The following CTNNA3 variants were observed in gnomAD, a reference collection of about 807,000 sequenced individuals.
CTNNA3 encodes the protein catenin alpha-3.
In CTNNA3, 76 loss-of-function variants were observed where a neutral mutation model predicts 95.7. That is an observed-to-expected ratio of 0.79 (90% confidence interval 0.66 to 0.96). The LOEUF (loss-of-function observed/expected upper bound fraction) is 0.96, where lower values mean the gene tolerates loss of function less well. Among genes scored for constraint, CTNNA3 ranks in the 40% least tolerant of loss-of-function variants. The pLI is 0.00. For synonymous variants in CTNNA3, 431 were observed against 374.4 expected (o/e 1.15, Z -1.74); for missense variants, 1,191 against 1,089.8 (o/e 1.09, Z -1.31).
chr10:67,163,461 A>G (rs936353045), intron 7 of CTNNA3, among the ~76,000 whole-genome samples: 3 of 152,012 alleles, frequency 2.0e-5, no homozygotes, highest in African/African-American at 7.2e-5. Context: ...ACAGAGAAGA[A>G]CTTCTATATC....
chr10:67,304,120 T>A (rs576693714), intron 5 of CTNNA3, among the ~76,000 whole-genome samples: 2 of 152,330 alleles, frequency 1.3e-5, no homozygotes, highest in African/African-American at 4.8e-5. Context: ...ACATATATAA[T>A]GTGGAGTTGG....
chr10:66,411,308 A>G (rs1047337197), intron 11 of CTNNA3, among the ~76,000 whole-genome samples: 1 of 152,140 alleles, frequency 6.6e-6, no homozygotes, highest in Admixed American at 6.5e-5. Context: ...AGTTATCTAA[A>G]TGCTTACTGT....
chr10:66,258,121 C>T (rs1414736784), intron 13 of CTNNA3, among the ~76,000 whole-genome samples: 2 of 152,206 alleles, frequency 1.3e-5, no homozygotes, highest in Non-Finnish European at 2.9e-5. Context: ...GTCTACCCTG[C>T]AGCTTCTCCA....
At chr10:66,504,382 C>T (rs1160163058) in intron 11 of CTNNA3, among the ~76,000 whole-genome samples, 1 of 152,114 alleles carries the variant, frequency 6.6e-6, no homozygotes, top group East Asian at 1.9e-4. Context: ...TTAAAATTCC[C>T]CAGGATGCTT....
intron 1 of CTNNA3, among the ~76,000 whole-genome samples, chr10:67,714,144 T>A (rs1340664431): frequency 1.3e-5 from 2 of 152,104 alleles, no homozygotes; most frequent in African/African-American, 4.8e-5. Context: ...GGACACCATG[T>A]AGTGAAGCTG....
intron 13 of CTNNA3, among the ~76,000 whole-genome samples, chr10:66,169,686 TA>T (rs1256506929): frequency 1.3e-5 from 2 of 152,148 alleles, no homozygotes; most frequent in South Asian, 2.1e-4. Flanking sequence ...CAAAATCTAT[TA>T]TTTGTTTATT....
Position 66,844,037 on chromosome 10 carries a change from C to T in CTNNA3, c.1048-68513G>A, listed in dbSNP as rs1040189900. Among the ~76,000 whole-genome samples, 5 of 152,300 alleles carry T rather than the reference C, an allele frequency of 3.3e-5. No individual in the cohort carries two copies. The East Asian group carries it at 9.6e-4, about 29-fold the overall frequency. On this transcript the variant is annotated intron_variant, in intron 7 of 17. Coordinates refer to ENST00000433211, the MANE Select transcript of CTNNA3 (RefSeq NM_013266.4). ...CTGGATCCAGAGAGCCCTGTTTTGC[C>T]TCTTGTCGGAAAATACCAAGCTTGT...
chr10:67,191,393 A>G (rs1183662285), intron 6 of CTNNA3, among the ~76,000 whole-genome samples: 1 of 152,036 alleles, frequency 6.6e-6, no homozygotes, highest in Non-Finnish European at 1.5e-5. Flanking sequence ...CTAGTAAACA[A>G]ATCCAATAAA....
chr10:66,574,525 T>C lies in CTNNA3; in HGVS notation c.1374+47167A>G, dbSNP rs748544055. ...ACGTTCTTTACATGTGAATAATTTC[T>C]TTTTGGTTGAGTTGTAAATCACATA... is the stretch of plus-strand genomic sequence containing the variant. On this transcript the variant is annotated intron_variant, in intron 10 of 17. Coordinates refer to ENST00000433211, the MANE Select transcript of CTNNA3 (RefSeq NM_013266.4). 3.3e-5 allele frequency among the ~76,000 whole-genome samples: 5 copies of C among 152,162 alleles called. No individual in the cohort carries two copies. The South Asian group carries it at 1.0e-3, about 31-fold the overall frequency.
intron 17 of CTNNA3, among the ~76,000 whole-genome samples, chr10:65,954,354 G>C (rs57325339): frequency 0.1 from 15,245 of 152,108 alleles, 924 homozygotes; most frequent in East Asian, 0.29. Flanking sequence ...CACTCTGATG[G>C]TAGTTTCTTT....
At chr10:67,141,781 T>C (rs1463666229) in intron 7 of CTNNA3, among the ~76,000 whole-genome samples, 3 of 152,174 alleles carry the variant, frequency 2.0e-5, no homozygotes. Flanking sequence ...ACTATAAATA[T>C]AGATAAAATT....
intron 5 of CTNNA3, among the ~76,000 whole-genome samples, chr10:67,243,474 T>G (rs1472911007): frequency 6.6e-6 from 1 of 152,196 alleles, no homozygotes; most frequent in Non-Finnish European, 1.5e-5. Context: ...CAATCTTTTC[T>G]CTGTCATACC....
At chr10:66,670,689 T>G (rs1260749684) in intron 9 of CTNNA3, among the ~76,000 whole-genome samples, 2 of 152,144 alleles carry the variant, frequency 1.3e-5, no homozygotes, top group African/African-American at 4.8e-5. Flanking sequence ...TAAACGTCAA[T>G]GATTAGTAAT....
At chr10:66,968,490 GAAGA>G (rs1321313756) in intron 7 of CTNNA3, among the ~76,000 whole-genome samples, 2 of 151,672 alleles carry the variant, frequency 1.3e-5, no homozygotes, top group Non-Finnish European at 2.9e-5. Flanking sequence ...AAGACAAAAT[GAAGA>G]AACTGGATAT....
chr10:66,849,175 T>A (rs1195587675), intron 7 of CTNNA3, among the ~76,000 whole-genome samples: 1 of 152,132 alleles, frequency 6.6e-6, no homozygotes, highest in Non-Finnish European at 1.5e-5. Flanking sequence ...GGAGAAAAGG[T>A]CAAAAACCGT....
intron 9 of CTNNA3, among the ~76,000 whole-genome samples, chr10:66,700,800 C>T (rs1255558385): frequency 6.6e-6 from 1 of 152,100 alleles, no homozygotes; most frequent in African/African-American, 2.4e-5. Context: ...CAGTATTTTG[C>T]TAATTTGTTC....
Position 67,138,292 on chromosome 10 carries a change from T to G in CTNNA3, c.1047+42025A>C, listed in dbSNP as rs572455047. 1.4e-4 allele frequency among the ~76,000 whole-genome samples: 21 copies of G among 152,288 alleles called. No homozygotes were observed. The South Asian group carries it at 4.1e-3, about 30-fold the overall frequency. ...GAAGCCAGCAGTGGACCCCTTCAGGTAGTCATCAAAGAACAACATAAGTGG... is the reference window on the plus strand; with the variant it reads ...GAAGCCAGCAGTGGACCCCTTCAGGGAGTCATCAAAGAACAACATAAGTGG... On this transcript the variant is annotated intron_variant, in intron 7 of 17. Transcript: ENST00000433211.
chr10:66,367,008 A>C (rs1212328163), intron 12 of CTNNA3, among the ~76,000 whole-genome samples: 1 of 152,174 alleles, frequency 6.6e-6, no homozygotes, highest in African/African-American at 2.4e-5. Context: ...TCAATGTAAG[A>C]AATGCAACAT....
At chr10:67,098,937 T>C (rs183503458) in intron 7 of CTNNA3, 2 of 152,022 alleles carry the variant, frequency 1.3e-5, no homozygotes, top group African/African-American at 2.4e-5. Context: ...AGGAAACATA[T>C]GAATTTGTTT....
Sources: allele counts gnomAD v4.1 joint callset (sites outside exome capture counted in the v4.1 genomes callset), GRCh38; gene constraint gnomAD v4.1.1; transcripts MANE v1.5; gene names NCBI Gene and HGNC (gene_info 2026-07-23, HGNC 2026-07-21).